Variants in MRPS25 observed in about 807,000 individuals in gnomAD.
MRPS25 encodes small ribosomal subunit protein mS25.
Under a neutral mutation model 17.3 loss-of-function variants are expected in MRPS25, and 15 were observed. The observed-to-expected ratio is 0.87, with a 90% CI of 0.58 to 1.34. The LOEUF is 1.34. Among genes scored for constraint, MRPS25 ranks in the 40% most tolerant of loss-of-function variants. The pLI, the probability that MRPS25 is intolerant of heterozygous loss-of-function variation, is 0.00. For missense variants in MRPS25, 225 were observed against 218.6 expected (o/e 1.03, Z -0.19); for synonymous variants, 94 against 83.3 (o/e 1.13, Z -0.70).
intron 2 of MRPS25, among the ~76,000 whole-genome samples, chr3:15,056,475 G>A (rs535602487): frequency 3.3e-5 from 5 of 152,202 alleles, no homozygotes; most frequent in Non-Finnish European, 7.3e-5. Flanking sequence ...TTGGGGAGAG[G>A]ATCCTGGATC....
At chr3:15,056,933 T>C (rs1233481545) in intron 2 of MRPS25, among the ~76,000 whole-genome samples, 1 of 152,208 alleles carries the variant, frequency 6.6e-6, no homozygotes, top group Non-Finnish European at 1.5e-5. Flanking sequence ...GAACCTTAAA[T>C]ACATAACTGC....
intron 2 of MRPS25, among the ~76,000 whole-genome samples, chr3:15,056,935 C>T (rs4685238): frequency 1.3e-5 from 2 of 152,254 alleles, no homozygotes; most frequent in Admixed American, 6.5e-5. Flanking sequence ...ACCTTAAATA[C>T]ATAACTGCTC....
rs1365054652 is a variant in MRPS25, at chr3:15,049,800, G to C, written c.*2641C>G. On this transcript the variant is annotated 3_prime_UTR_variant, in exon 4 of 4. Coordinates refer to ENST00000253686, the MANE Select transcript of MRPS25 (RefSeq NM_022497.5). ...GATAGGGCCTCACTCCGTCACCCAG[G>C]CTGGAATGCAGTGGTACAGTCATGG... 3 of 841,004 alleles carry C rather than the reference G, an allele frequency of 3.6e-6. No individual in the cohort carries two copies. Among genetic ancestry groups the C allele is most frequent in the East Asian group, 5.6e-5 (2 of 35,910 alleles). 52.1% of individuals were successfully genotyped at this position (841,004 alleles called of 1,614,324 possible).
downstream of MRPS25, chr3:15,048,497 TTTATACATGCAAAA>T (rs1372307524): frequency 6.6e-6 from 1 of 152,656 alleles, no homozygotes; most frequent in African/African-American, 2.4e-5. Flanking sequence ...TGTCTTGATA[TTTATACATGCAAAA>T]TAGAAAAAAA....
At chr3:15,052,661 G>A (rs1204864403) in intron 3 of MRPS25, 28 bp from the exon 4 acceptor site, 1 of 1,605,332 alleles carries the variant, frequency 6.2e-7, no homozygotes, top group South Asian at 1.1e-5. Flanking sequence ...CGGCAACCAA[G>A]CATTGGCAAC....
chr3:15,054,023 G>A (rs529360522), intron 2 of MRPS25, among the ~76,000 whole-genome samples: 192 of 152,318 alleles, frequency 1.3e-3, no homozygotes, highest in South Asian at 4.1e-3. Context: ...TTGGGAGGCT[G>A]AGGCAGGTGG....
At position 15,051,244 on chromosome 3, in the gene MRPS25, C is replaced by T. The variant is rs1170308645; in HGVS notation, c.*1197G>A. 52 of 925,302 alleles carry T rather than the reference C, an allele frequency of 5.6e-5. No individual in the cohort carries two copies. The highest frequency in any genetic ancestry group is 6.5e-5 in the Non-Finnish European group (50 of 775,092). The allele number at this position is 925,302 out of a possible 1,614,324, so 57.3% of individuals were successfully genotyped here. A position where few individuals can be genotyped will look rare whatever the true frequency, so the allele number is the denominator to read the frequency against. On this transcript the variant is annotated 3_prime_UTR_variant, in exon 4 of 4. Coordinates refer to ENST00000253686, the MANE Select transcript of MRPS25 (RefSeq NM_022497.5). ...TGTGGCCCAGGCTGGAGTGCAGTAGCGCACGATCATGATTCACTGCAGCCT... is the reference window on the plus strand; with the variant it reads ...TGTGGCCCAGGCTGGAGTGCAGTAGTGCACGATCATGATTCACTGCAGCCT...
rs146649559 is a variant in MRPS25, at chr3:15,050,201, C to T, written c.*2240G>A. ...TTTATTTCCACAAATTATCTGCTGC[C>T]TGTGAAGCTGGCCACACAGGCAGTA... On this transcript the variant is annotated 3_prime_UTR_variant, in exon 4 of 4. Coordinates refer to ENST00000253686, the MANE Select transcript of MRPS25 (RefSeq NM_022497.5). The T allele has an allele frequency of 3.4e-3, 3,963 of 1,182,568 alleles. 9 individuals carry two copies. Among genetic ancestry groups the T allele is most frequent in the Non-Finnish European group, 3.8e-3 (3,602 of 954,918 alleles). 73.3% of individuals were successfully genotyped at this position (1,182,568 alleles called of 1,614,324 possible).
At chr3:15,062,595 A>G (rs1307319827) in intron 1 of MRPS25, among the ~76,000 whole-genome samples, 1 of 152,104 alleles carries the variant, frequency 6.6e-6, no homozygotes, top group African/African-American at 2.4e-5. Context: ...AGAACGGGCC[A>G]TGATGACAAT....
At chr3:15,053,522 C>T in intron 2 of MRPS25, 55 bp from the exon 3 acceptor site, 1 of 1,609,100 alleles carries the variant, frequency 6.2e-7, no homozygotes, top group Non-Finnish European at 8.5e-7. Flanking sequence ...CGCACTCAGC[C>T]TCAAAAAGTT....
chr3:15,044,963 G>A (rs2042400061), downstream of MRPS25: 1 of 152,238 alleles, frequency 6.6e-6, no homozygotes, highest in Non-Finnish European at 1.5e-5. Flanking sequence ...AGCAAATTTT[G>A]GAGAGTAGTG....
chr3:15,044,765 G>A (rs2042392485), downstream of MRPS25: 3 of 152,362 alleles, frequency 2.0e-5, no homozygotes, highest in South Asian at 6.2e-4. Context: ...AGCTACAGAC[G>A]CCCCTGTGGT....
intron 1 of MRPS25, among the ~76,000 whole-genome samples, chr3:15,061,818 C>T (rs914617264): frequency 4.6e-5 from 7 of 151,800 alleles, no homozygotes; most frequent in African/African-American, 1.7e-4. Flanking sequence ...AGCGCCTCTG[C>T]CCGGCCGCGA....
At chr3:15,057,133 G>A (rs1381814022) in intron 2 of MRPS25, among the ~76,000 whole-genome samples, 3 of 152,220 alleles carry the variant, frequency 2.0e-5, no homozygotes, top group Non-Finnish European at 4.4e-5. Flanking sequence ...ACAGCCCTGT[G>A]GAGTACTGCT....
Position 15,049,639 on chromosome 3 carries a change from G to A in MRPS25, c.*2802C>T, listed in dbSNP as rs745504411. ...TGGCAAGCTTATTCTCTAAGGATAC[G>A]TGCTATCAAGGGCAAAAACAAGCTC... is the stretch of plus-strand genomic sequence containing the variant. On this transcript the variant is annotated 3_prime_UTR_variant, in exon 4 of 4. Transcript: ENST00000253686. 2.3e-5 allele frequency: 12 copies of A among 525,484 alleles called. No individual in the cohort carries two copies. Among genetic ancestry groups the A allele is most frequent in the Non-Finnish European group, 3.6e-5 (11 of 303,128 alleles). 32.6% of individuals were successfully genotyped at this position (525,484 alleles called of 1,614,324 possible).
chr3:15,045,616 T>G (rs1399515493), downstream of MRPS25: 2 of 152,664 alleles, frequency 1.3e-5, no homozygotes, highest in East Asian at 3.8e-4. Context: ...TTAACTCATT[T>G]CAAGCCTCTG....
At chr3:15,053,072 C>T (rs760307037) in intron 3 of MRPS25, among the ~76,000 whole-genome samples, 1 of 152,118 alleles carries the variant, frequency 6.6e-6, no homozygotes, top group Non-Finnish European at 1.5e-5. Flanking sequence ...GCTGAGATTC[C>T]CAGGAGAGAT....
At position 15,048,996 on chromosome 3, in the gene MRPS25, C is replaced by G. The variant is rs2042553578; in HGVS notation, c.*3445G>C. ...TGCCAGGTTTAAAACCTGTTGAAAG[C>G]TGCAGCTTTATACAGCTTTCTTCTC... On this transcript the variant is annotated 3_prime_UTR_variant, in exon 4 of 4. Transcript: ENST00000253686. The G allele has an allele frequency of 6.6e-6, 1 of 152,656 alleles. No homozygotes were observed. Among genetic ancestry groups the G allele is most frequent in the Non-Finnish European group, 1.5e-5 (1 of 68,044 alleles). The allele number at this position is 152,656 out of a possible 1,614,324, so 9.5% of individuals were successfully genotyped here. A position where few individuals can be genotyped will look rare whatever the true frequency, so the allele number is the denominator to read the frequency against.
chr3:15,053,872 T>C (rs1012830342), intron 2 of MRPS25, among the ~76,000 whole-genome samples: 13 of 152,084 alleles, frequency 8.5e-5, no homozygotes, highest in African/African-American at 3.1e-4. Context: ...CCAAAACAAT[T>C]CTAAAAAACG....
Sources: allele counts gnomAD v4.1 joint callset (sites outside exome capture counted in the v4.1 genomes callset), GRCh38; gene constraint gnomAD v4.1.1; transcripts MANE v1.5; gene names NCBI Gene and HGNC (gene_info 2026-07-23, HGNC 2026-07-21).